SNTG2: variants seen among roughly 807,000 people sequenced by gnomAD.
SNTG2 encodes gamma-2-syntrophin.
SNTG2 carries 74 observed loss-of-function variants against 70.9 expected under a neutral mutation model. The ratio of observed to expected loss-of-function variants is 1.04; its 90% CI spans 0.86 to 1.27. SNTG2 has a LOEUF of 1.27. Ranked by LOEUF, SNTG2 falls within the 50% of genes most tolerant of loss-of-function variation. The pLI is 0.00. For missense variants in SNTG2, 717 were observed against 690.7 expected, an observed-to-expected ratio of 1.04 and a Z score of -0.43; for synonymous variants, 278 against 273.8, an observed-to-expected ratio of 1.02 and a Z score of -0.15.
chr2:1,310,872 A>G (rs190168961), intron 15 of SNTG2, among the ~76,000 whole-genome samples: 20 of 152,308 alleles, frequency 1.3e-4, no homozygotes, highest in Non-Finnish European at 2.8e-4. Flanking sequence ...GCTGTGCAAG[A>G]TGGGGTTGTG....
intron 1 of SNTG2, among the ~76,000 whole-genome samples, chr2:964,866 G>C (rs1318123058): frequency 6.6e-6 from 1 of 152,130 alleles, no homozygotes; most frequent in Admixed American, 6.5e-5. Flanking sequence ...CTTGGGTGGG[G>C]TTTCTCCACC....
intron 8 of SNTG2, among the ~76,000 whole-genome samples, chr2:1,193,704 C>T (rs1672736104): frequency 6.6e-6 from 1 of 152,304 alleles, no homozygotes; most frequent in African/African-American, 2.4e-5. Context: ...TTGTTAGACT[C>T]TCGCCTGACA....
chr2:1,064,155 A>G (rs531473608), intron 1 of SNTG2, among the ~76,000 whole-genome samples: 1 of 152,168 alleles, frequency 6.6e-6, no homozygotes, highest in South Asian at 2.1e-4. Context: ...AAAAGAAAAA[A>G]ATAATGAACC....
chr2:998,395 A>C lies in SNTG2; in HGVS notation c.72+47327A>C, dbSNP rs181693208. On this transcript the variant is annotated intron_variant, in intron 1 of 16. Transcript: ENST00000308624. The stretch of plus-strand genomic sequence containing the variant: ...AGAAAGTTGAAAAACAACAGAAAGA[A>C]ATCGGAAAAAAATCAAATTAGGACA... Among the ~76,000 whole-genome samples the C allele has an allele frequency of 9.3e-4, 141 of 152,208 alleles. 1 individual carries two copies. Among genetic ancestry groups the C allele is most frequent in the African/African-American group, 3.3e-3 (138 of 41,542 alleles).
chr2:1,198,615 A>G (rs1223391856), intron 8 of SNTG2, among the ~76,000 whole-genome samples: 3 of 152,130 alleles, frequency 2.0e-5, no homozygotes, highest in African/African-American at 7.2e-5. Context: ...AAGATTAATA[A>G]AAGTTTTTTA....
At chr2:1,006,151 C>T (rs1204095781) in intron 1 of SNTG2, among the ~76,000 whole-genome samples, 1 of 126,094 alleles carries the variant, frequency 7.9e-6, no homozygotes, top group Non-Finnish European at 1.6e-5. Flanking sequence ...GGGAATATCA[C>T]ACTCTGGGGA....
intron 14 of SNTG2, among the ~76,000 whole-genome samples, chr2:1,283,632 GC>G (rs1679647799): frequency 6.6e-6 from 1 of 152,080 alleles, no homozygotes; most frequent in Non-Finnish European, 1.5e-5. Flanking sequence ...CAGCCTGGAT[GC>G]CCTCTCCTCA....
At chr2:1,135,549 G>A (rs749411672) in intron 4 of SNTG2, among the ~76,000 whole-genome samples, 3 of 152,126 alleles carry the variant, frequency 2.0e-5, no homozygotes, top group Non-Finnish European at 2.9e-5. Flanking sequence ...GCAAAACCAC[G>A]TCTCTACTAA....
chr2:1,351,482 C>T (rs138094509), intron 16 of SNTG2, among the ~76,000 whole-genome samples: 150 of 152,220 alleles, frequency 9.9e-4, no homozygotes, highest in African/African-American at 3.5e-3. Flanking sequence ...AACCTGTTCA[C>T]GATTACAGAG....
In SNTG2 at chr2:1,070,445, G is replaced by C. The variant is rs567421624; in HGVS notation, c.73-13073G>C. On this transcript the variant is annotated intron_variant, in intron 1 of 16. Transcript: ENST00000308624. ...ATTAGCCGTTGATGAGGGTTAAATG[G>C]AATAATGCTCATGAGCTTCTTAGCA... Among the ~76,000 whole-genome samples, 294 of 152,226 alleles carry C rather than the reference G, an allele frequency of 1.9e-3. 1 individual carries two copies. Among genetic ancestry groups the C allele is most frequent in the Non-Finnish European group, 3.1e-3 (208 of 68,014 alleles).
chr2:1,214,561 A>G (rs183815069), intron 9 of SNTG2, among the ~76,000 whole-genome samples: 2 of 152,302 alleles, frequency 1.3e-5, no homozygotes, highest in East Asian at 3.9e-4. Flanking sequence ...GTTAGTGAAC[A>G]AAATACTACT....
chr2:1,085,218 A>G (rs1456438825), intron 2 of SNTG2, among the ~76,000 whole-genome samples: 1 of 152,238 alleles, frequency 6.6e-6, no homozygotes, highest in Non-Finnish European at 1.5e-5. Flanking sequence ...AGCTTTCGTA[A>G]TCATTTTAAA....
chr2:981,766 A>C (rs1309761464), intron 1 of SNTG2, among the ~76,000 whole-genome samples: 1 of 152,220 alleles, frequency 6.6e-6, no homozygotes, highest in African/African-American at 2.4e-5. Context: ...ACATGAGTAC[A>C]CACATGCCCC....
rs116313746 is a variant in SNTG2, at chr2:1,302,662, G to A, written c.1285-5832G>A. On this transcript the variant is annotated intron_variant, in intron 14 of 16. Transcript: ENST00000308624. ...GCCCTAAGATATCAATAAATTACATGAAGTGAAAGTGGTGTAAATGCACCA... is the reference window on the plus strand; with the variant it reads ...GCCCTAAGATATCAATAAATTACATAAAGTGAAAGTGGTGTAAATGCACCA... Among the ~76,000 whole-genome samples the A allele has an allele frequency of 9.0e-3, 1,369 of 152,030 alleles. 19 individuals are homozygous for A. The highest frequency in any genetic ancestry group is 0.031 in the African/African-American group (1,303 of 41,472).
intron 4 of SNTG2, among the ~76,000 whole-genome samples, chr2:1,115,476 G>T (rs1329276161): frequency 6.6e-6 from 1 of 151,882 alleles, no homozygotes; most frequent in Non-Finnish European, 1.5e-5. Flanking sequence ...GGAGGATCGT[G>T]TGTACTAAGT....
chr2:951,048 T>G lies in SNTG2; in HGVS notation c.52T>G (p.Cys18Gly). ...GGCCGCCTCCCGCGGACGCCAGGGC[T>G]GCCTGCTGGTACCTGCGCGGGTGAG... ...PPAASRGRQG[C>G]LLVPARTKTT... The change falls in exon 1 of 17, where the codon TGC becomes GGC. Residue 18 changes from cysteine (C) to glycine (G), a missense_variant. Cys to Gly is a radical substitution (Grantham distance 159). Transcript: ENST00000308624. 1 of 1,273,324 alleles carries G rather than the reference T, an allele frequency of 7.9e-7. No individual in the cohort carries two copies. The highest frequency in any genetic ancestry group is 9.9e-7 in the Non-Finnish European group (1 of 1,012,602). The allele number at this position is 1,273,324 out of a possible 1,614,324, so 78.9% of individuals were successfully genotyped here. A position where few individuals can be genotyped will look rare whatever the true frequency, so the allele number is the denominator to read the frequency against.
intron 15 of SNTG2, among the ~76,000 whole-genome samples, chr2:1,313,477 A>T (rs1245250738): frequency 6.6e-6 from 1 of 152,206 alleles, no homozygotes; most frequent in East Asian, 1.9e-4. Flanking sequence ...TCCGACCTAG[A>T]ATGTCCAATT....
intron 14 of SNTG2, among the ~76,000 whole-genome samples, chr2:1,267,804 ATT>A: frequency 6.6e-6 from 1 of 152,208 alleles, no homozygotes; most frequent in Non-Finnish European, 1.5e-5. Flanking sequence ...CTGTGTCTAC[ATT>A]GAATGTGAGG....
intron 4 of SNTG2, among the ~76,000 whole-genome samples, chr2:1,129,809 T>C (rs1488704450): frequency 6.6e-6 from 1 of 152,222 alleles, no homozygotes; most frequent in Non-Finnish European, 1.5e-5. Flanking sequence ...TTGCAAAGTT[T>C]ATTGAGCCTG....
Sources: allele counts gnomAD v4.1 joint callset (sites outside exome capture counted in the v4.1 genomes callset), GRCh38; gene constraint gnomAD v4.1.1; transcripts MANE v1.5; gene names NCBI Gene and HGNC (gene_info 2026-07-23, HGNC 2026-07-21).